Variants in RNGTT observed in about 807,000 individuals in gnomAD.
RNGTT encodes RNA guanylyltransferase and 5'-phosphatase, also known as mRNA-capping enzyme.
Under a neutral mutation model 79.3 loss-of-function variants are expected in RNGTT, and 33 were observed. The ratio of observed to expected loss-of-function variants is 0.42; its 90% CI spans 0.32 to 0.56. RNGTT has a LOEUF of 0.56. RNGTT is among the 20% of genes least tolerant of loss of function. The pLI, the probability that RNGTT is intolerant of heterozygous loss-of-function variation, is 0.17. For synonymous variants in RNGTT, 222 were observed against 235.9 expected (o/e 0.94, Z 0.54); for missense variants, 497 against 739.1 (o/e 0.67, Z 3.80).
chr6:88,866,974 T>C (rs1782194178), intron 8 of RNGTT, among the ~76,000 whole-genome samples: 2 of 152,178 alleles, frequency 1.3e-5, no homozygotes, highest in Non-Finnish European at 2.9e-5. Context: ...ACGGAGTCAA[T>C]TCTTGCTACT....
intron 11 of RNGTT, among the ~76,000 whole-genome samples, chr6:88,842,582 A>C (rs1781331103): frequency 6.6e-6 from 1 of 152,210 alleles, no homozygotes; most frequent in South Asian, 2.1e-4. Context: ...ACTGGATGCT[A>C]AATAGACTAT....
chr6:88,767,934 A>C (rs1484104667), intron 13 of RNGTT, among the ~76,000 whole-genome samples: 3 of 152,176 alleles, frequency 2.0e-5, no homozygotes, highest in Non-Finnish European at 2.9e-5. Flanking sequence ...ATGTTTAGAT[A>C]AGAGAAAGAC....
chr6:88,828,508 A>G (rs930604848), intron 11 of RNGTT, among the ~76,000 whole-genome samples: 4 of 152,192 alleles, frequency 2.6e-5, no homozygotes, highest in African/African-American at 9.6e-5. Context: ...ACAACTCCTC[A>G]TCAGCAAGGG....
At chr6:88,780,220 T>C (rs1003132330) in intron 12 of RNGTT, among the ~76,000 whole-genome samples, 1 of 152,048 alleles carries the variant, frequency 6.6e-6, no homozygotes, top group Non-Finnish European at 1.5e-5. Context: ...AATACAGAAT[T>C]TCAAAACTTA....
chr6:88,710,632 T>C (rs996987676), intron 13 of RNGTT, among the ~76,000 whole-genome samples: 4 of 152,106 alleles, frequency 2.6e-5, no homozygotes, highest in Non-Finnish European at 5.9e-5. Flanking sequence ...AGAAAGCAAA[T>C]GATCCCTGAA....
chr6:88,853,573 C>T, intron 9 of RNGTT, 56 bp downstream of exon 9: 1 of 1,130,600 alleles, frequency 8.8e-7, no homozygotes, highest in Non-Finnish European at 1.2e-6. Flanking sequence ...CATTTACTTA[C>T]AAGGAAAAGA....
At chr6:88,689,455 A>C (rs1384090153) in intron 13 of RNGTT, among the ~76,000 whole-genome samples, 2 of 151,970 alleles carry the variant, frequency 1.3e-5, no homozygotes, top group Non-Finnish European at 2.9e-5. Flanking sequence ...TTAGCCAGGC[A>C]TGGTGGCAGG....
At chr6:88,791,088 G>C (rs1381251211) in intron 12 of RNGTT, among the ~76,000 whole-genome samples, 1 of 151,068 alleles carries the variant, frequency 6.6e-6, no homozygotes, top group Non-Finnish European at 1.5e-5. Flanking sequence ...TTCAAGGGCA[G>C]GGGAGATTAT....
intron 6 of RNGTT, among the ~76,000 whole-genome samples, chr6:88,895,657 AAT>A (rs1783220459): frequency 6.6e-6 from 1 of 152,188 alleles, no homozygotes; most frequent in Admixed American, 6.5e-5. Flanking sequence ...TGATCTATAA[AAT>A]AGTCACTCTT....
chr6:88,900,594 C>T (rs955265766), intron 6 of RNGTT, among the ~76,000 whole-genome samples: 2 of 150,994 alleles, frequency 1.3e-5, no homozygotes, highest in Admixed American at 6.6e-5. Flanking sequence ...ATTGGCCAGG[C>T]GTAGTGGCAG....
chr6:88,854,891 T>C (rs908580909), intron 8 of RNGTT, among the ~76,000 whole-genome samples: 1 of 152,198 alleles, frequency 6.6e-6, no homozygotes, highest in Admixed American at 6.5e-5. Flanking sequence ...TCTGGGAAGC[T>C]ATGCTACCAA....
intron 12 of RNGTT, among the ~76,000 whole-genome samples, chr6:88,799,039 C>A (rs1405514202): frequency 6.6e-6 from 1 of 151,626 alleles, no homozygotes; most frequent in African/African-American, 2.4e-5. Flanking sequence ...TGGCAGTGTA[C>A]TAGAAGTAGC....
chr6:88,624,139 A>C (rs1350784076), intron 14 of RNGTT, among the ~76,000 whole-genome samples: 1 of 151,982 alleles, frequency 6.6e-6, no homozygotes, highest in Non-Finnish European at 1.5e-5. Flanking sequence ...CATGGATTGA[A>C]AGATTCAATA....
At chr6:88,898,363 A>G (rs1177621024) in intron 6 of RNGTT, among the ~76,000 whole-genome samples, 1 of 151,984 alleles carries the variant, frequency 6.6e-6, no homozygotes, top group Non-Finnish European at 1.5e-5. Flanking sequence ...TTGTCTTTTC[A>G]TGCTGCATGC....
At chr6:88,901,640 G>A (rs1440754242) in intron 6 of RNGTT, among the ~76,000 whole-genome samples, 4 of 151,186 alleles carry the variant, frequency 2.6e-5, no homozygotes, top group South Asian at 2.1e-4. Flanking sequence ...CCAAGTAGCC[G>A]GGATTACAGG....
At chr6:88,660,124 C>T (rs1774125046) in intron 14 of RNGTT, among the ~76,000 whole-genome samples, 1 of 152,166 alleles carries the variant, frequency 6.6e-6, no homozygotes, top group Non-Finnish European at 1.5e-5. Flanking sequence ...CACTACTAAG[C>T]CAGCACTACA....
At chr6:88,792,154 T>G (rs1381958392) in intron 12 of RNGTT, among the ~76,000 whole-genome samples, 1 of 152,208 alleles carries the variant, frequency 6.6e-6, no homozygotes, top group Non-Finnish European at 1.5e-5. Flanking sequence ...GACTTTCTCC[T>G]TATAATCTGA....
chr6:88,706,048 T>C (rs766719747), intron 13 of RNGTT, among the ~76,000 whole-genome samples: 2 of 152,030 alleles, frequency 1.3e-5, no homozygotes, highest in Non-Finnish European at 2.9e-5. Context: ...GAGACTTCAG[T>C]TAAGAAGCCA....
At position 88,757,238 on chromosome 6, in the gene RNGTT, A is replaced by G. The variant is rs148744208; in HGVS notation, c.1439+12536T>C. Among the ~76,000 whole-genome samples the G allele has an allele frequency of 2.0e-5, 3 of 152,312 alleles. No homozygotes were observed. In the East Asian group the frequency reaches 5.8e-4, roughly 29 times the overall value. On this transcript the variant is annotated intron_variant, in intron 13 of 15. Transcript: ENST00000369485. ...AAACAAAAAGGATGGAGATACATGA[A>G]TGGGAGAAAAGATCCACAACAAATT... is the stretch of plus-strand genomic sequence containing the variant.
Sources: allele counts gnomAD v4.1 joint callset (sites outside exome capture counted in the v4.1 genomes callset), GRCh38; gene constraint gnomAD v4.1.1; transcripts MANE v1.5; gene names NCBI Gene and HGNC (gene_info 2026-07-23, HGNC 2026-07-21).